MTCP1: variants seen among roughly 807,000 people sequenced by gnomAD.
MTCP1 encodes mature T cell proliferation 1.
MTCP1 carries 2 observed loss-of-function variants against 10.6 expected under a neutral mutation model. That is an observed-to-expected ratio of 0.19 (90% CI 0.08 to 0.59). The LOEUF is 0.59. Ranked by LOEUF, MTCP1 falls within the 20% of genes least tolerant of loss-of-function variation. MTCP1 has a pLI of 0.90. For synonymous variants in MTCP1, 29 were observed against 34.4 expected (o/e 0.84, Z 0.55); for missense variants, 33 against 91.5 (o/e 0.36, Z 2.61).
chrX:155,067,062 G>T (rs1288644319), intron 1 of MTCP1, among the ~76,000 whole-genome samples: 2 of 111,967 alleles, frequency 1.8e-5, no homozygotes, highest in African/African-American at 6.5e-5. Context: ...CCTTTGGCCA[G>T]AGTATAGATA....
At chrX:155,067,281 T>C (rs960938201) in intron 1 of MTCP1, among the ~76,000 whole-genome samples, 6 of 112,005 alleles carry the variant, frequency 5.4e-5, no homozygotes, top group Non-Finnish European at 9.4e-5. Flanking sequence ...GCTCTCTCAT[T>C]TCAAACTCGT....
Position 155,066,205 on chromosome X carries a change from T to C in MTCP1, c.-47-148A>G, listed in dbSNP as rs782358279. 4 of 401,658 alleles carry C rather than the reference T, an allele frequency of 1.0e-5. No individual in the cohort carries two copies. In the African/African-American group the frequency reaches 1.0e-4, roughly 10 times the overall value. 33.1% of individuals were successfully genotyped at this position (401,658 alleles called of 1,213,427 possible). On this transcript the variant is annotated intron_variant, in intron 1 of 4. Coordinates refer to ENST00000369476, the MANE Select transcript of MTCP1 (RefSeq NM_001018025.4). Reference sequence around the variant, plus strand: ...CAACCTAAATAGAACCAAGGACATCTGAAGCTTTCTGCAAGACAACTAAAG... The same window carrying C: ...CAACCTAAATAGAACCAAGGACATCCGAAGCTTTCTGCAAGACAACTAAAG...
chrX:155,065,311 C>G lies in MTCP1; in HGVS notation c.*93G>C, dbSNP rs1461536560. The G allele has an allele frequency of 2.1e-6, 1 of 468,990 alleles. No homozygotes were observed. The highest frequency in any genetic ancestry group is 3.7e-6 in the Non-Finnish European group (1 of 271,124). 38.7% of individuals were successfully genotyped at this position (468,990 alleles called of 1,213,427 possible). On this transcript the variant is annotated 3_prime_UTR_variant, in exon 5 of 5. Transcript: ENST00000369476. ...TTTCAACCCACTCCCTCCCCCCAGG[C>G]CCAAGGGTGGGTGCACTGCAGTAGT...
In MTCP1 at chrX:155,068,844, A is replaced by G. The variant is rs782349934; in HGVS notation, c.-48+1850T>C. 2.7e-5 allele frequency among the ~76,000 whole-genome samples: 3 copies of G among 112,851 alleles called. No individual in the cohort carries two copies. In the Admixed American group the frequency reaches 2.8e-4, roughly 11 times the overall value. On this transcript the variant is annotated intron_variant, in intron 1 of 4. Coordinates refer to ENST00000369476, the MANE Select transcript of MTCP1 (RefSeq NM_001018025.4). ...TTCTCGAACTAAGACGAATCTTTTAAAACCTCAACATAGACTTAGGTACAA... is the reference window on the plus strand; with the variant it reads ...TTCTCGAACTAAGACGAATCTTTTAGAACCTCAACATAGACTTAGGTACAA...
intron 1 of MTCP1, among the ~76,000 whole-genome samples, chrX:155,069,572 A>T (rs2073962072): frequency 8.9e-6 from 1 of 112,482 alleles, no homozygotes; most frequent in African/African-American, 3.2e-5. Context: ...AGGAAAAGAA[A>T]GGCACAGAGA....
chrX:155,070,253 T>C (rs2073967306), intron 1 of MTCP1, among the ~76,000 whole-genome samples: 1 of 111,653 alleles, frequency 9.0e-6, no homozygotes, highest in Non-Finnish European at 1.9e-5. Context: ...AGTACTGCCA[T>C]ACCTGCCTGG....
Position 155,065,606 on chromosome X carries a change from G to C in MTCP1, c.276+13C>G. ...TCCCAGTACAATGGAAAATAATTAA[G>C]CAACATGTGTACCATTAAATGATGC... On this transcript the variant is annotated intron_variant, in intron 3 of 4. Transcript: ENST00000369476. 1 of 1,210,008 alleles carries C rather than the reference G, an allele frequency of 8.3e-7. No homozygotes were observed. The highest frequency in any genetic ancestry group is 1.1e-6 in the Non-Finnish European group (1 of 894,048).
chrX:155,064,842 G>A lies in MTCP1; in HGVS notation c.*562C>T, dbSNP rs946939885. The A allele has an allele frequency of 1.8e-5, 2 of 112,467 alleles. No homozygotes were observed. Among genetic ancestry groups the A allele is most frequent in the Non-Finnish European group, 3.7e-5 (2 of 53,376 alleles). 9.3% of individuals were successfully genotyped at this position (112,467 alleles called of 1,213,427 possible). ...AGCCTTTGTAGCTAATTTCATCAAT[G>A]CATATCTCTTTTCAGAGCCCTCTAA... On this transcript the variant is annotated 3_prime_UTR_variant, in exon 5 of 5. Coordinates refer to ENST00000369476, the MANE Select transcript of MTCP1 (RefSeq NM_001018025.4).
chrX:155,064,191 CTG>C lies in MTCP1; in HGVS notation c.*1211_*1212del. On this transcript the variant is annotated 3_prime_UTR_variant, in exon 5 of 5. Transcript: ENST00000369476. ...TCTTCCCAAACATAGGATGAATCAA[CTG>C]TATTTTTATAATATCCATTTCATTA... is the stretch of plus-strand genomic sequence containing the variant. 2.8e-6 allele frequency: 1 copy of C among 351,464 alleles called. No individual in the cohort carries two copies. Among genetic ancestry groups the C allele is most frequent in the Non-Finnish European group, 5.0e-6 (1 of 200,275 alleles). The allele number at this position is 351,464 out of a possible 1,213,427, so 29.0% of individuals were successfully genotyped here.
chrX:155,066,359 G>A (rs987885076), intron 1 of MTCP1, among the ~76,000 whole-genome samples: 2 of 112,110 alleles, frequency 1.8e-5, no homozygotes, highest in African/African-American at 6.5e-5. Context: ...CACACATACT[G>A]CATTCACAAG....
chrX:155,064,035 TAAA>T lies in MTCP1; in HGVS notation c.*1366_*1368del. ...TCCTTCTGCGGCATATCCAGAAAACTAAAACAAGAAAAATGATTTTTATTTTTC... is the reference window on the plus strand; with the variant it reads ...TCCTTCTGCGGCATATCCAGAAAACTACAAGAAAAATGATTTTTATTTTTC... On this transcript the variant is annotated 3_prime_UTR_variant, in exon 5 of 5. Transcript: ENST00000369476. 8.5e-7 allele frequency: 1 copy of T among 1,178,452 alleles called. No individual in the cohort carries two copies. Among genetic ancestry groups the T allele is most frequent in the Non-Finnish European group, 1.1e-6 (1 of 882,687 alleles).
At chrX:155,070,052 T>G (rs1439804925) in intron 1 of MTCP1, among the ~76,000 whole-genome samples, 1 of 112,011 alleles carries the variant, frequency 8.9e-6, no homozygotes, top group Non-Finnish European at 1.9e-5. Flanking sequence ...ATGATCAAAT[T>G]AATTATAGAA....
intron 1 of MTCP1, among the ~76,000 whole-genome samples, chrX:155,069,149 A>AT (rs782318533): frequency 1.2e-4 from 13 of 112,928 alleles, no homozygotes; most frequent in African/African-American, 4.2e-4. Context: ...TAAAACTATC[A>AT]TTTTTCCTTT....
At chrX:155,066,941 C>G (rs1296225414) in intron 1 of MTCP1, among the ~76,000 whole-genome samples, 3 of 111,963 alleles carry the variant, frequency 2.7e-5, no homozygotes, top group African/African-American at 9.8e-5. Flanking sequence ...ATCCTCTGCC[C>G]AAGCCCCAGA....
At position 155,065,582 on chromosome X, in the gene MTCP1, C is replaced by T. The variant is rs1482781064; in HGVS notation, c.276+37G>A. The T allele has an allele frequency of 3.3e-6, 4 of 1,206,460 alleles. No homozygotes were observed. In the Admixed American group the frequency reaches 8.7e-5, roughly 26 times the overall value. On this transcript the variant is annotated intron_variant, in intron 3 of 4. Transcript: ENST00000369476. ...TTATGGAGTACTCTGTTACGAGAGTCCCAGTACAATGGAAAATAATTAAGC... is the reference window on the plus strand; with the variant it reads ...TTATGGAGTACTCTGTTACGAGAGTTCCAGTACAATGGAAAATAATTAAGC...
chrX:155,066,593 T>C (rs2073949232), intron 1 of MTCP1, among the ~76,000 whole-genome samples: 1 of 112,181 alleles, frequency 8.9e-6, no homozygotes, highest in Admixed American at 9.4e-5. Context: ...AAATGATCTA[T>C]TTATCAGTTT....
rs2124212018 is a variant in MTCP1 at position 155,064,515 on chromosome X, C to T, written c.*889G>A. On this transcript the variant is annotated 3_prime_UTR_variant, in exon 5 of 5. Coordinates refer to ENST00000369476, the MANE Select transcript of MTCP1 (RefSeq NM_001018025.4). ...CTCCAATACATGGTAGCTATTATTC[C>T]CAAGACTTTTTTTTTTAAAGTAAAA... The T allele has an allele frequency of 9.1e-6, 1 of 110,353 alleles. No homozygotes were observed. Among genetic ancestry groups the T allele is most frequent in the South Asian group, 3.7e-4 (1 of 2,706 alleles). 9.1% of individuals were successfully genotyped at this position (110,353 alleles called of 1,213,427 possible). A position where few individuals can be genotyped will look rare whatever the true frequency, so the allele number is the denominator to read the frequency against.
rs1602749167 is a variant in MTCP1, at chrX:155,065,216, A to G, written c.*188T>C. 2 of 368,283 alleles carry G rather than the reference A, an allele frequency of 5.4e-6. No homozygotes were observed. Among genetic ancestry groups the G allele is most frequent in the Non-Finnish European group, 9.4e-6 (2 of 212,955 alleles). The allele number at this position is 368,283 out of a possible 1,213,427, so 30.4% of individuals were successfully genotyped here. A position where few individuals can be genotyped will look rare whatever the true frequency, so the allele number is the denominator to read the frequency against. ...TTGTTGACTTGCTTTCTGCCTACGTAACCTCTCTCTGCAGTTTCACTTGCA... is the reference window on the plus strand; with the variant it reads ...TTGTTGACTTGCTTTCTGCCTACGTGACCTCTCTCTGCAGTTTCACTTGCA... On this transcript the variant is annotated 3_prime_UTR_variant, in exon 5 of 5. Transcript: ENST00000369476.
In MTCP1 at chrX:155,064,298, G is replaced by A. The variant is rs1023618807; in HGVS notation, c.*1106C>T. On this transcript the variant is annotated 3_prime_UTR_variant, in exon 5 of 5. Transcript: ENST00000369476. ...CTCTTTTTGAATACTGTAAACCAAC[G>A]TTAGGCTAGAGGAGCCGACGGCGCA... is the stretch of plus-strand genomic sequence containing the variant. 6 of 207,249 alleles carry A rather than the reference G, an allele frequency of 2.9e-5. No homozygotes were observed. The highest frequency in any genetic ancestry group is 5.8e-5 in the African/African-American group (2 of 34,533). 17.1% of individuals were successfully genotyped at this position (207,249 alleles called of 1,213,427 possible). A position where few individuals can be genotyped will look rare whatever the true frequency, so the allele number is the denominator to read the frequency against.
Sources: allele counts gnomAD v4.1 joint callset (sites outside exome capture counted in the v4.1 genomes callset), GRCh38; gene constraint gnomAD v4.1.1; transcripts MANE v1.5; gene names NCBI Gene and HGNC (gene_info 2026-07-23, HGNC 2026-07-21).